Variants in SHTN1 observed in about 807,000 individuals in gnomAD.
The protein encoded by SHTN1 is shootin 1.
A neutral mutation model predicts 83.1 loss-of-function variants in SHTN1; 42 were observed. That is an observed-to-expected ratio of 0.51 (90% CI 0.39 to 0.65). The LOEUF is 0.65. SHTN1 is among the 30% of genes least tolerant of loss of function. The pLI is 0.00. For missense variants in SHTN1, 622 were observed against 737.8 expected (o/e 0.84, Z 1.82); for synonymous variants, 224 against 247.7 (o/e 0.90, Z 0.90).
rs189400525 is a variant in SHTN1, at chr10:117,048,858, A to T, written c.-188-348T>A. On this transcript the variant is annotated intron_variant, in intron 1 of 17. Transcript: ENST00000392901. ...GCAATTGGACTTTGCCCTCTTTAAA[A>T]TATATTTAATGGTCAACTAGGAAGA... Among the ~76,000 whole-genome samples the T allele has an allele frequency of 3.4e-4, 52 of 152,318 alleles. 1 individual carries two copies. Among genetic ancestry groups the T allele is most frequent in the Admixed American group, 3.4e-3 (52 of 15,286 alleles).
At chr10:117,109,784 C>T (rs936675560) in intron 1 of SHTN1, among the ~76,000 whole-genome samples, 4 of 151,562 alleles carry the variant, frequency 2.6e-5, no homozygotes, top group African/African-American at 7.3e-5. Flanking sequence ...AGGCTGGTCT[C>T]GAATTCCTGA....
chr10:117,029,371 T>C (rs550826370), intron 2 of SHTN1, among the ~76,000 whole-genome samples: 20 of 152,290 alleles, frequency 1.3e-4, no homozygotes, highest in African/African-American at 4.6e-4. Context: ...GCTTTTGACT[T>C]TTGAGTTAAT....
chr10:117,026,644 T>A (rs905156771), intron 2 of SHTN1, among the ~76,000 whole-genome samples: 3 of 152,108 alleles, frequency 2.0e-5, no homozygotes, highest in Non-Finnish European at 4.4e-5. Flanking sequence ...CTGGTGTCAA[T>A]CTCCTGACCT....
chr10:116,961,362 G>A (rs954436887), intron 3 of SHTN1, among the ~76,000 whole-genome samples: 1 of 151,908 alleles, frequency 6.6e-6, no homozygotes, highest in African/African-American at 2.4e-5. Context: ...AGCACTAAAT[G>A]GCCAGAAACA....
chr10:116,899,557 A>ATGTGTGTGTG (rs1847655653), intron 16 of SHTN1, among the ~76,000 whole-genome samples: 1 of 138,946 alleles, frequency 7.2e-6, no homozygotes, highest in African/African-American at 3.2e-5. Flanking sequence ...GAGAGAGTGC[A>ATGTGTGTGTG]TGCATACATA....
intron 8 of SHTN1, among the ~76,000 whole-genome samples, chr10:116,944,211 A>G (rs1564889540): frequency 6.6e-6 from 1 of 152,240 alleles, no homozygotes; most frequent in Non-Finnish European, 1.5e-5. Flanking sequence ...ATGTACAGGC[A>G]TCTTGTACCC....
intron 7 of SHTN1, among the ~76,000 whole-genome samples, chr10:116,946,319 A>G: frequency 6.8e-6 from 1 of 148,070 alleles, no homozygotes; most frequent in East Asian, 2.0e-4. Context: ...GTAAAGGTTG[A>G]GATTTTTTTC....
Position 117,013,731 on chromosome 10 carries a change from T to C in SHTN1, c.-122-34423A>G, listed in dbSNP as rs190325108. 3.4e-3 allele frequency among the ~76,000 whole-genome samples: 515 copies of C among 152,290 alleles called. 4 individuals carry two copies. Among genetic ancestry groups the C allele is most frequent in the African/African-American group, 0.012 (492 of 41,564 alleles). On this transcript the variant is annotated intron_variant, in intron 2 of 17. Transcript: ENST00000392901. ...AGTTCCTTATAAAATTAGAAATACATTTGCCATACAACTTGGTGGTTCCAC... is the reference window on the plus strand; with the variant it reads ...AGTTCCTTATAAAATTAGAAATACACTTGCCATACAACTTGGTGGTTCCAC...
At chr10:116,938,024 T>C (rs1292296683) in intron 9 of SHTN1, among the ~76,000 whole-genome samples, 1 of 151,958 alleles carries the variant, frequency 6.6e-6, no homozygotes, top group South Asian at 2.1e-4. Context: ...AGGTCATTTA[T>C]GTTCTTCTCT....
chr10:116,991,666 G>A (rs147241460), intron 1 of SHTN1, among the ~76,000 whole-genome samples: 1 of 152,216 alleles, frequency 6.6e-6, no homozygotes, highest in African/African-American at 2.4e-5. Flanking sequence ...CCATTCATGA[G>A]GGATCCAGCC....
At chr10:116,990,486 G>C (rs1319710112) in intron 1 of SHTN1, among the ~76,000 whole-genome samples, 1 of 151,940 alleles carries the variant, frequency 6.6e-6, no homozygotes, top group Non-Finnish European at 1.5e-5. Flanking sequence ...TCTAAAACAT[G>C]TTTGTCCAGC....
chr10:117,060,017 C>T (rs531141499), intron 1 of SHTN1, among the ~76,000 whole-genome samples: 27 of 152,194 alleles, frequency 1.8e-4, no homozygotes, highest in African/African-American at 6.0e-4. Context: ...TTGAGACCAA[C>T]CTGGGCAATA....
intron 3 of SHTN1, among the ~76,000 whole-genome samples, chr10:116,968,128 G>T (rs1170155824): frequency 6.6e-6 from 1 of 152,172 alleles, no homozygotes; most frequent in African/African-American, 2.4e-5. Context: ...GTTGCAGTAA[G>T]CCAAGATCTT....
At chr10:116,946,250 GT>G (rs1230455512) in intron 7 of SHTN1, among the ~76,000 whole-genome samples, 2 of 147,814 alleles carry the variant, frequency 1.4e-5, no homozygotes, top group African/African-American at 4.9e-5. Context: ...TGTAGAGAGA[GT>G]TTTTTTTAAG....
chr10:117,111,413 C>G (rs1455075922), intron 1 of SHTN1, among the ~76,000 whole-genome samples: 1 of 151,892 alleles, frequency 6.6e-6, no homozygotes. Flanking sequence ...CCTGCCTCAG[C>G]CTCCCAGGTA....
intron 9 of SHTN1, among the ~76,000 whole-genome samples, chr10:116,937,768 G>T (rs956452384): frequency 2.0e-5 from 3 of 152,010 alleles, no homozygotes; most frequent in Non-Finnish European, 2.9e-5. Context: ...TTCCAACTTG[G>T]TTCCATTCTC....
chr10:116,969,497 C>T (rs1328853584), intron 2 of SHTN1, among the ~76,000 whole-genome samples: 1 of 152,104 alleles, frequency 6.6e-6, no homozygotes, highest in Admixed American at 6.5e-5. Flanking sequence ...CACTCTCACC[C>T]AAGAAAAAGT....
chr10:117,050,296 T>G (rs1302270814), intron 1 of SHTN1, among the ~76,000 whole-genome samples: 1 of 152,100 alleles, frequency 6.6e-6, no homozygotes, highest in African/African-American at 2.4e-5. Context: ...ATCATCAGTA[T>G]CAGGAATAAT....
chr10:116,984,273 T>C (rs1851150082), intron 1 of SHTN1, among the ~76,000 whole-genome samples: 1 of 152,174 alleles, frequency 6.6e-6, no homozygotes. Flanking sequence ...TTTTAATTGA[T>C]TGAAACTAAA....
Sources: gnomAD v4.1 joint callset for allele counts (sites outside exome capture counted in the v4.1 genomes callset) on GRCh38, gnomAD v4.1.1 for gene constraint, MANE v1.5 for transcripts, NCBI Gene and HGNC (gene_info 2026-07-23, HGNC 2026-07-21) for gene names.